ZFR: variants seen among roughly 807,000 people sequenced by gnomAD.
ZFR encodes zinc finger RNA-binding protein.
In ZFR, 19 loss-of-function variants were observed where a neutral mutation model predicts 130.7. The observed-to-expected ratio is 0.15, with a 90% confidence interval of 0.10 to 0.21. The LOEUF (loss-of-function observed/expected upper bound fraction) is 0.21. ZFR is among the 10% of genes least tolerant of loss of function. The pLI is 1.00. For missense variants in ZFR, 872 were observed against 1,321.5 expected, an observed-to-expected ratio of 0.66 and a Z score of 5.27; for synonymous variants, 466 against 456.9, an observed-to-expected ratio of 1.02 and a Z score of -0.25.
Position 32,388,692 on chromosome 5 carries a change from T to C in ZFR, c.2143-18A>G. 6.4e-7 allele frequency: 1 copy of C among 1,564,574 alleles called. No homozygotes were observed. Among genetic ancestry groups the C allele is most frequent in the Admixed American group, 2.0e-5 (1 of 50,750 alleles). ...CGTAAGGGCTACAGAGAAACAAAGT[T>C]GCTCAATTTAAAAAAAAGTTTCCTG... On this transcript the variant is annotated intron_variant, in intron 12 of 19. Transcript: ENST00000265069.
chr5:32,439,886 A>G (rs547651334), intron 2 of ZFR, among the ~76,000 whole-genome samples: 2 of 151,920 alleles, frequency 1.3e-5, no homozygotes, highest in South Asian at 4.2e-4. Context: ...TTATTTTATA[A>G]CGTTTATTAC....
intron 9 of ZFR, among the ~76,000 whole-genome samples, chr5:32,397,769 A>G (rs1322423504): frequency 6.7e-6 from 1 of 148,526 alleles, no homozygotes; most frequent in East Asian, 2.1e-4. Context: ...ACTTTTTAAA[A>G]GGATAGAAAC....
intron 2 of ZFR, among the ~76,000 whole-genome samples, chr5:32,435,856 A>T (rs988852225): frequency 6.6e-6 from 1 of 152,210 alleles, no homozygotes; most frequent in Non-Finnish European, 1.5e-5. Flanking sequence ...GCTCTTAAGT[A>T]TCTATGTGAA....
intron 2 of ZFR, among the ~76,000 whole-genome samples, chr5:32,442,412 G>A (rs182584099): frequency 6.6e-6 from 1 of 152,228 alleles, no homozygotes; most frequent in East Asian, 1.9e-4. Flanking sequence ...AAAACCACTT[G>A]TACCCCAAAA....
intron 2 of ZFR, among the ~76,000 whole-genome samples, chr5:32,434,141 C>G (rs149286597): frequency 6.6e-6 from 1 of 152,338 alleles, no homozygotes; most frequent in East Asian, 1.9e-4. Context: ...TCTGGTTCTC[C>G]TCACAGAATA....
In ZFR at chr5:32,355,821, T is replaced by C. The variant is rs1752293064; in HGVS notation, c.3164A>G (p.Asp1055Gly). The C allele has an allele frequency of 2.5e-6, 4 of 1,610,234 alleles. No homozygotes were observed. The highest frequency in any genetic ancestry group is 3.4e-6 in the Non-Finnish European group (4 of 1,178,776). The part of the protein sequence containing the change: ...HNNRKRRRDS[D>G]GVDGFEAEGK... Reference sequence around the variant, plus strand: ...CTCAGCTTCAAATCCATCAACTCCATCACTATCTCTTCTTCGTTTCCTGTT... The same window carrying C: ...CTCAGCTTCAAATCCATCAACTCCACCACTATCTCTTCTTCGTTTCCTGTT... The change falls in exon 20 of 20, where the codon GAT becomes GGT. Residue 1055 changes from aspartate (D) to glycine (G), a missense_variant. This residue lies in a region of ZFR where 158 missense variants were observed against 264.0 expected (regional missense o/e 0.60). Coordinates refer to ENST00000265069, the MANE Select transcript of ZFR (RefSeq NM_016107.5).
chr5:32,393,088 T>C (rs1002346159), intron 11 of ZFR, among the ~76,000 whole-genome samples: 6 of 152,324 alleles, frequency 3.9e-5, no homozygotes, highest in Admixed American at 2.0e-4. Flanking sequence ...CAACATGTGT[T>C]ATTCACCACA....
intron 9 of ZFR, 113 bp downstream of exon 9, chr5:32,399,894 A>G (rs935161937): frequency 5.1e-6 from 5 of 976,012 alleles, no homozygotes; most frequent in Middle Eastern, 2.4e-4. Flanking sequence ...TTCTTTAAGT[A>G]AGCTAAATCT....
At chr5:32,406,618 A>C in intron 6 of ZFR, 156 bp downstream of exon 6, 2 of 1,061,478 alleles carry the variant, frequency 1.9e-6, no homozygotes, top group South Asian at 7.9e-5. Flanking sequence ...TTTTTCCCTG[A>C]AAATTCTCAT....
In ZFR at chr5:32,430,740, G is replaced by A. The variant is rs557799839; in HGVS notation, c.138-10637C>T. Among the ~76,000 whole-genome samples the A allele has an allele frequency of 1.2e-3, 180 of 152,224 alleles. 2 individuals are homozygous for A. The highest frequency in any genetic ancestry group is 4.1e-3 in the African/African-American group (169 of 41,536). ...AGAGATTAAGTGATGACTACTCAAG[G>A]AGGTAGAATCAAAGATATTTTAAGA... On this transcript the variant is annotated intron_variant, in intron 2 of 19. Coordinates refer to ENST00000265069, the MANE Select transcript of ZFR (RefSeq NM_016107.5).
chr5:32,417,612 G>A (rs1369309331), intron 4 of ZFR, 36 bp downstream of exon 4: 1 of 1,606,250 alleles, frequency 6.2e-7, no homozygotes, highest in African/African-American at 1.3e-5. Flanking sequence ...TACTTCAATA[G>A]TTTACAAAGA....
intron 19 of ZFR, among the ~76,000 whole-genome samples, chr5:32,363,598 C>T (rs1453668918): frequency 1.3e-5 from 2 of 152,104 alleles, no homozygotes; most frequent in Admixed American, 1.3e-4. Context: ...ACCATAAACA[C>T]CACAGCAAAT....
chr5:32,374,096 C>T (rs909934755), intron 17 of ZFR, among the ~76,000 whole-genome samples: 44 of 152,146 alleles, frequency 2.9e-4, no homozygotes, highest in Non-Finnish European at 2.8e-4. Context: ...CAAGTAACAA[C>T]GTGGACTTAC....
At chr5:32,382,091 A>C (rs1300176624) in intron 15 of ZFR, among the ~76,000 whole-genome samples, 1 of 152,014 alleles carries the variant, frequency 6.6e-6, no homozygotes, top group Non-Finnish European at 1.5e-5. Context: ...CATCTGAGGT[A>C]GGGAGTTCGA....
chr5:32,383,807 G>A (rs1285668108), intron 15 of ZFR: 2 of 456,690 alleles, frequency 4.4e-6, no homozygotes. Context: ...TGAAGCTAAA[G>A]ACATGGTTTA....
At chr5:32,373,556 C>T (rs1024075141) in intron 17 of ZFR, among the ~76,000 whole-genome samples, 3 of 152,082 alleles carry the variant, frequency 2.0e-5, no homozygotes, top group Admixed American at 6.5e-5. Flanking sequence ...ATGAATCAAG[C>T]ATCTAACTCA....
chr5:32,430,570 A>G (rs1754185581), intron 2 of ZFR, among the ~76,000 whole-genome samples: 1 of 152,180 alleles, frequency 6.6e-6, no homozygotes, highest in African/African-American at 2.4e-5. Context: ...CCCTAAAATT[A>G]ATGAAAGATA....
At chr5:32,377,792 T>C (rs1752856776) in intron 17 of ZFR, among the ~76,000 whole-genome samples, 1 of 151,878 alleles carries the variant, frequency 6.6e-6, no homozygotes, top group Non-Finnish European at 1.5e-5. Flanking sequence ...GTTCAAGTGA[T>C]TCTCCTCTCC....
At chr5:32,395,428 G>A (rs899870100) in intron 10 of ZFR, 124 bp from the exon 11 acceptor site, 2 of 663,290 alleles carry the variant, frequency 3.0e-6, no homozygotes, top group Non-Finnish European at 4.4e-6. Flanking sequence ...TCCCACTAGA[G>A]AGTAAAATCA....
Sources: gnomAD v4.1 joint callset for allele counts (sites outside exome capture counted in the v4.1 genomes callset) on GRCh38, gnomAD v4.1.1 for gene constraint, gnomAD v4.1.1 regional missense constraint, MANE v1.5 for transcripts, NCBI Gene and HGNC (gene_info 2026-07-23, HGNC 2026-07-21) for gene names.